CTNNA3: variants seen among roughly 807,000 people sequenced by gnomAD.
The protein encoded by CTNNA3 is catenin alpha 3.
CTNNA3 carries 76 observed loss-of-function variants against 95.7 expected under a neutral mutation model. The ratio of observed to expected loss-of-function variants is 0.79; its 90% CI spans 0.66 to 0.96. The LOEUF is 0.96. Among genes scored for constraint, CTNNA3 ranks in the 40% least tolerant of loss-of-function variants. The pLI, the probability that CTNNA3 is intolerant of heterozygous loss-of-function variation, is 0.00. For missense variants in CTNNA3, 1,191 were observed against 1,089.8 expected (o/e 1.09, Z -1.31); for synonymous variants, 431 against 374.4 (o/e 1.15, Z -1.74).
At chr10:66,427,333 C>A (rs1172294008) in intron 11 of CTNNA3, among the ~76,000 whole-genome samples, 1 of 151,134 alleles carries the variant, frequency 6.6e-6, no homozygotes, top group African/African-American at 2.4e-5. Flanking sequence ...TTTTGTATTT[C>A]TATATGGACT....
chr10:66,536,707 T>C (rs759890422), intron 10 of CTNNA3, among the ~76,000 whole-genome samples: 4 of 152,030 alleles, frequency 2.6e-5, no homozygotes, highest in African/African-American at 7.2e-5. Flanking sequence ...GTAGAAAACC[T>C]ACAACAGTAG....
chr10:66,198,013 G>A (rs370598474), intron 13 of CTNNA3, among the ~76,000 whole-genome samples: 11 of 152,240 alleles, frequency 7.2e-5, no homozygotes, highest in African/African-American at 2.6e-4. Flanking sequence ...GAAAAATAGG[G>A]TTGAAAATAA....
At chr10:67,082,924 C>A (rs1491001919) in intron 7 of CTNNA3, among the ~76,000 whole-genome samples, 3 of 152,108 alleles carry the variant, frequency 2.0e-5, no homozygotes, top group African/African-American at 7.2e-5. Context: ...ATATTAACTA[C>A]ATCAATGAAA....
At chr10:66,901,751 T>G (rs949212416) in intron 7 of CTNNA3, among the ~76,000 whole-genome samples, 38 of 152,136 alleles carry the variant, frequency 2.5e-4, no homozygotes, top group East Asian at 1.9e-4. Context: ...AAACAGACTT[T>G]AAACCAACAA....
At chr10:66,855,765 T>A (rs563976537) in intron 7 of CTNNA3, among the ~76,000 whole-genome samples, 4 of 152,158 alleles carry the variant, frequency 2.6e-5, no homozygotes, top group African/African-American at 9.6e-5. Context: ...AGCTAAAGGT[T>A]CACATCATGT....
intron 11 of CTNNA3, among the ~76,000 whole-genome samples, chr10:66,468,307 T>C (rs1839002095): frequency 6.6e-6 from 1 of 152,078 alleles, no homozygotes; most frequent in South Asian, 2.1e-4. Context: ...CAATTTGTTA[T>C]CTGACTAAAT....
At chr10:66,481,038 C>T (rs560711925) in intron 11 of CTNNA3, among the ~76,000 whole-genome samples, 1 of 152,234 alleles carries the variant, frequency 6.6e-6, no homozygotes, top group South Asian at 2.1e-4. Flanking sequence ...AAAGCATACA[C>T]AGTGAGTAAA....
At chr10:67,162,251 T>C (rs961023146) in intron 7 of CTNNA3, among the ~76,000 whole-genome samples, 3 of 152,022 alleles carry the variant, frequency 2.0e-5, no homozygotes, top group Non-Finnish European at 4.4e-5. Flanking sequence ...CAAATTTGTT[T>C]TAAATTTTTC....
chr10:67,740,532 T>A (rs564515683), intron 1 of CTNNA3, among the ~76,000 whole-genome samples: 2 of 151,402 alleles, frequency 1.3e-5, no homozygotes, highest in African/African-American at 4.8e-5. Context: ...AGAAGACATT[T>A]ATGCGGCCAA....
rs555687361 is a variant in CTNNA3 at position 66,253,449 on chromosome 10, C to A, written c.1884+27021G>T. ...TATACCACAAGCTTCTGTATGGCCA[C>A]TGGAATCCTTCTAACTCCATTTACC... On this transcript the variant is annotated intron_variant, in intron 13 of 17. Coordinates refer to ENST00000433211, the MANE Select transcript of CTNNA3 (RefSeq NM_013266.4). 2.6e-4 allele frequency among the ~76,000 whole-genome samples: 39 copies of A among 152,126 alleles called. No homozygotes were observed. The East Asian group carries it at 5.8e-3, about 23-fold the overall frequency.
intron 7 of CTNNA3, among the ~76,000 whole-genome samples, chr10:66,844,985 T>C (rs1211190125): frequency 6.6e-6 from 1 of 152,182 alleles, no homozygotes; most frequent in African/African-American, 2.4e-5. Flanking sequence ...AGGTATAAGA[T>C]AATATTTACA....
chr10:66,583,938 C>A (rs1843277940), intron 10 of CTNNA3, among the ~76,000 whole-genome samples: 1 of 151,662 alleles, frequency 6.6e-6, no homozygotes, highest in South Asian at 2.1e-4. Context: ...ATTGTTAACC[C>A]AAAAATCATT....
intron 11 of CTNNA3, among the ~76,000 whole-genome samples, chr10:66,456,682 CA>C (rs2093497122): frequency 6.6e-6 from 1 of 151,556 alleles, no homozygotes; most frequent in African/African-American, 2.4e-5. Context: ...TCTCAAAAAA[CA>C]AACAAAAAAC....
chr10:66,392,695 A>G (rs1446936843), intron 11 of CTNNA3, among the ~76,000 whole-genome samples: 2 of 152,142 alleles, frequency 1.3e-5, no homozygotes, highest in Admixed American at 1.3e-4. Flanking sequence ...TGGCCCATCT[A>G]TTAGAATGAC....
rs111635245 is a variant in CTNNA3 at position 67,635,636 on chromosome 10, C to T, written c.99+11779G>A. Among the ~76,000 whole-genome samples the T allele has an allele frequency of 2.7e-3, 410 of 152,224 alleles. 1 individual carries two copies. Among genetic ancestry groups the T allele is most frequent in the African/African-American group, 7.1e-3 (296 of 41,554 alleles). On this transcript the variant is annotated intron_variant, in intron 2 of 17. Coordinates refer to ENST00000433211, the MANE Select transcript of CTNNA3 (RefSeq NM_013266.4). ...ATTCAACATCCCTTCATGTTAAAAA[C>T]TCTCAATAAACTAGGTATTGAAGGA...
chr10:67,211,940 T>G (rs2132243586), intron 6 of CTNNA3, among the ~76,000 whole-genome samples: 1 of 152,214 alleles, frequency 6.6e-6, no homozygotes, highest in East Asian at 1.9e-4. Flanking sequence ...ATTAATAAAA[T>G]GTGCAGATAA....
At chr10:67,008,975 G>A (rs550686905) in intron 7 of CTNNA3, among the ~76,000 whole-genome samples, 1 of 152,124 alleles carries the variant, frequency 6.6e-6, no homozygotes, top group African/African-American at 2.4e-5. Flanking sequence ...TAAAACCTTG[G>A]TATATACTTT....
intron 5 of CTNNA3, among the ~76,000 whole-genome samples, chr10:67,251,026 T>A (rs1866087969): frequency 6.6e-6 from 1 of 152,228 alleles, no homozygotes; most frequent in African/African-American, 2.4e-5. Flanking sequence ...TAAAAACTTG[T>A]ACATGAATGT....
chr10:65,959,709 T>C (rs866558066), intron 17 of CTNNA3, among the ~76,000 whole-genome samples: 3 of 152,140 alleles, frequency 2.0e-5, no homozygotes, highest in Middle Eastern at 3.4e-3. Flanking sequence ...AGAAATGGGA[T>C]TTGCCATGTT....
Sources: allele counts gnomAD v4.1 joint callset (sites outside exome capture counted in the v4.1 genomes callset), GRCh38; gene constraint gnomAD v4.1.1; transcripts MANE v1.5; gene names NCBI Gene and HGNC (gene_info 2026-07-23, HGNC 2026-07-21).